The following CUBN variants were observed in gnomAD, a reference collection of about 807,000 sequenced individuals.
CUBN encodes the protein 460 kDa receptor.
CUBN carries 282 observed loss-of-function variants against 405.3 expected under a neutral mutation model. The observed-to-expected ratio is 0.70, with a 90% CI of 0.63 to 0.77. The LOEUF (loss-of-function observed/expected upper bound fraction) is 0.77. Ranked by LOEUF, CUBN falls within the 30% of genes least tolerant of loss-of-function variation. CUBN has a pLI of 0.00. For synonymous variants in CUBN, 1,684 were observed against 1,617.0 expected (o/e 1.04, Z -0.99); for missense variants, 4,514 against 4,475.2 (o/e 1.01, Z -0.25).
Position 17,019,682 on chromosome 10 carries a change from A to G in CUBN, c.4168+151T>C, listed in dbSNP as rs3740164. 0.62 allele frequency: 553,366 copies of G among 890,902 alleles called. 173,574 individuals carry two copies. The highest frequency in any genetic ancestry group is 0.78 in the African/African-American group (46,870 of 60,424). 55.2% of individuals were successfully genotyped at this position (890,902 alleles called of 1,614,324 possible). On this transcript the variant is annotated intron_variant, in intron 28 of 66. Coordinates refer to ENST00000377833, the MANE Select transcript of CUBN (RefSeq NM_001081.4). ...ACTTAACTCTCCAAGTTCCACCAAT[A>G]TCTAAGTATATTTCTTAAACCCTTG...
At chr10:17,122,937 C>A in intron 5 of CUBN, 39 bp from the exon 6 acceptor site, 2 of 1,391,594 alleles carry the variant, frequency 1.4e-6, no homozygotes, top group South Asian at 2.3e-5. Context: ...TGCCAAAGGT[C>A]ACAGAGGTAT....
chr10:17,044,655 A>G (rs1021786430), intron 25 of CUBN, among the ~76,000 whole-genome samples: 3 of 152,184 alleles, frequency 2.0e-5, no homozygotes, highest in Non-Finnish European at 4.4e-5. Context: ...GGAATGACTC[A>G]TATTATCTTC....
intron 49 of CUBN, 54 bp downstream of exon 49, chr10:16,907,454 G>A: frequency 1.3e-6 from 2 of 1,566,680 alleles, no homozygotes; most frequent in Non-Finnish European, 8.8e-7. Flanking sequence ...GTAGATGGGG[G>A]CATCTGCAGT....
At chr10:16,851,880 C>T (rs1420307535) in intron 59 of CUBN, among the ~76,000 whole-genome samples, 1 of 134,350 alleles carries the variant, frequency 7.4e-6, no homozygotes, top group African/African-American at 2.8e-5. Context: ...CTCTATCTTT[C>T]CCTCCCTCCA....
chr10:16,973,917 G>T (rs1443212867), intron 31 of CUBN, among the ~76,000 whole-genome samples: 1 of 152,118 alleles, frequency 6.6e-6, no homozygotes, highest in East Asian at 1.9e-4. Flanking sequence ...TTGATTCCAT[G>T]CCTTTGCTAT....
At chr10:16,949,831 AC>A (rs1395838306) in intron 34 of CUBN, among the ~76,000 whole-genome samples, 169 bp downstream of exon 34, 1 of 152,144 alleles carries the variant, frequency 6.6e-6, no homozygotes, top group African/African-American at 2.4e-5. Context: ...AGTTCCCTGA[AC>A]CCCACATTCA....
chr10:16,839,688 C>T (rs1239932241), intron 62 of CUBN, among the ~76,000 whole-genome samples: 2 of 134,060 alleles, frequency 1.5e-5, no homozygotes, highest in African/African-American at 2.5e-5. Flanking sequence ...ACTAGAAATA[C>T]CATTTGATCC....
At chr10:16,909,500 A>G (rs1276215159) in intron 48 of CUBN, among the ~76,000 whole-genome samples, 2 of 152,224 alleles carry the variant, frequency 1.3e-5, no homozygotes, top group South Asian at 2.1e-4. Context: ...AAAGAAACAG[A>G]TGAGGAAAAA....
At chr10:17,113,950 C>T (rs559486115) in intron 8 of CUBN, 77 bp downstream of exon 8, 5 of 1,413,884 alleles carry the variant, frequency 3.5e-6, no homozygotes, top group Non-Finnish European at 4.9e-6. Flanking sequence ...TCTTACTCAT[C>T]AATAGTGAAA....
intron 31 of CUBN, among the ~76,000 whole-genome samples, chr10:16,977,439 A>T (rs1326422592): frequency 6.6e-6 from 1 of 152,186 alleles, no homozygotes; most frequent in Non-Finnish European, 1.5e-5. Context: ...CATTGAGAGG[A>T]GTTCAGCCAG....
chr10:16,915,698 G>T, intron 46 of CUBN, 123 bp downstream of exon 46: 2 of 807,224 alleles, frequency 2.5e-6, no homozygotes, highest in Admixed American at 4.0e-5. Flanking sequence ...AAGCTCATTA[G>T]TCTGCACTTC....
intron 36 of CUBN, among the ~76,000 whole-genome samples, chr10:16,940,489 A>C (rs1007687219): frequency 2.6e-5 from 4 of 152,206 alleles, no homozygotes; most frequent in Non-Finnish European, 5.9e-5. Flanking sequence ...GGACGAGAAT[A>C]CAGAAAAAAA....
At position 17,084,273 on chromosome 10, in the gene CUBN, C is replaced by G. The variant is rs1836045723; in HGVS notation, c.2299G>C (p.Glu767Gln). The G allele has an allele frequency of 2.5e-6, 4 of 1,613,850 alleles. No homozygotes were observed. Among genetic ancestry groups the G allele is most frequent in the Non-Finnish European group, 3.4e-6 (4 of 1,179,920 alleles). The change falls in exon 17 of 67, where the codon GAG becomes CAG. Residue 767 changes from glutamate to glutamine, a missense_variant and splice_region_variant. Physicochemically the swap from Glu to Gln is conservative, Grantham distance 29. This residue lies in a region of CUBN where 1,448 missense variants were observed against 1,388.0 expected (regional missense o/e 1.04). Coordinates refer to ENST00000377833, the MANE Select transcript of CUBN (RefSeq NM_001081.4). Reference sequence around the variant, plus strand: ...GGCGATTGAGTAGTGAAAGTTACCTCAATGTAATTCTGAGAACTGTCACTC... The same window carrying G: ...GGCGATTGAGTAGTGAAAGTTACCTGAATGTAATTCTGAGAACTGTCACTC... ...CQSDSSQNYI[E>Q]VRDGETLLGK...
chr10:17,125,508 A>G (rs1379963163), intron 4 of CUBN, among the ~76,000 whole-genome samples: 1 of 152,220 alleles, frequency 6.6e-6, no homozygotes, highest in Non-Finnish European at 1.5e-5. Context: ...TCTGTCCATC[A>G]TAGAATGCTC....
At chr10:16,962,032 C>T (rs189825974) in intron 31 of CUBN, among the ~76,000 whole-genome samples, 6 of 152,158 alleles carry the variant, frequency 3.9e-5, no homozygotes, top group Middle Eastern at 3.4e-3. Flanking sequence ...TCTTTATTGA[C>T]GAAAATATCT....
intron 8 of CUBN, 33 bp from the exon 9 acceptor site, chr10:17,111,083 C>CTA (rs1344506264): frequency 1.9e-5 from 31 of 1,612,588 alleles, no homozygotes; most frequent in Non-Finnish European, 2.6e-5. Context: ...AAGTTTAGCT[C>CTA]TATAGACAAG....
At chr10:17,116,419 C>T (rs557782071) in intron 6 of CUBN, among the ~76,000 whole-genome samples, 1 of 152,118 alleles carries the variant, frequency 6.6e-6, no homozygotes, top group East Asian at 1.9e-4. Context: ...CCCCACATGC[C>T]AGGGCACATC....
intron 31 of CUBN, 132 bp from the exon 32 acceptor site, chr10:16,954,680 T>C (rs2131634322): frequency 6.1e-6 from 6 of 988,750 alleles, no homozygotes; most frequent in Middle Eastern, 3.1e-4. Flanking sequence ...ACTGGCTTTA[T>C]TGTCCTTTCT....
At chr10:16,920,208 T>C in intron 43 of CUBN, 71 bp from the exon 44 acceptor site, 6 of 1,468,584 alleles carry the variant, frequency 4.1e-6, no homozygotes, top group Non-Finnish European at 4.7e-6. Context: ...ACAAATCATC[T>C]TTTAAAGTCG....
Sources: gnomAD v4.1 joint callset for allele counts (sites outside exome capture counted in the v4.1 genomes callset) on GRCh38, gnomAD v4.1.1 for gene constraint, gnomAD v4.1.1 regional missense constraint, MANE v1.5 for transcripts, NCBI Gene and HGNC (gene_info 2026-07-23, HGNC 2026-07-21) for gene names.